The following DNMT3A variants were observed in gnomAD, a reference collection of about 807,000 sequenced individuals.
DNMT3A encodes DNA methyltransferase 3 alpha.
In DNMT3A, 267 loss-of-function variants were observed where a neutral mutation model predicts 117.6. The observed-to-expected ratio is 2.27, with a 90% CI of 2.05 to 2.51. The LOEUF is 2.51. DNMT3A is among the 30% of genes most tolerant of loss of function. The pLI is 0.00. For synonymous variants in DNMT3A, 432 were observed against 474.8 expected (o/e 0.91, Z 1.17); for missense variants, 1,029 against 1,260.2 (o/e 0.82, Z 2.78).
In DNMT3A at chr2:25,236,055, T is replaced by C. The variant is rs944876357; in HGVS notation, c.2479-230A>G. 1.3e-5 allele frequency among the ~76,000 whole-genome samples: 2 copies of C among 150,922 alleles called. No homozygotes were observed. The highest frequency in any genetic ancestry group is 4.9e-5 in the African/African-American group (2 of 41,120). ...GGTCACCTGGCCAATCTTAGATCCA[T>C]CTAGCCACAGACTTTTTTTTTTTTT... On this transcript the variant is annotated intron_variant, in intron 21 of 22. Transcript: ENST00000321117. This position sits in a 1 kb window ranked among gnomAD's most constrained non-coding sequence, Gnocchi z 4.5.
rs534567214 is a variant in DNMT3A at position 25,310,121 on chromosome 2, T to C, written c.72+3792A>G. 1.2e-3 allele frequency among the ~76,000 whole-genome samples: 181 copies of C among 152,256 alleles called. 1 individual carries two copies. The highest frequency in any genetic ancestry group is 4.2e-3 in the African/African-American group (173 of 41,534). On this transcript the variant is annotated intron_variant, in intron 2 of 22. Transcript: ENST00000321117. ...CACCCGGCAGTCGGCGTTCAATGCA[T>C]CTTAGCCATTGTGTTTCTGAGGCCA...
intron 16 of DNMT3A, chr2:25,242,051 C>T (rs570277188): frequency 1.4e-5 from 4 of 290,538 alleles, no homozygotes; most frequent in South Asian, 8.6e-5. Context: ...CCTTCCATAC[C>T]CTCTTATCAC....
intron 2 of DNMT3A, among the ~76,000 whole-genome samples, chr2:25,313,307 G>C (rs1210276881): frequency 2.0e-5 from 3 of 149,172 alleles, no homozygotes; most frequent in Admixed American, 6.7e-5. Context: ...CCAGCTCCGT[G>C]GCCAAAAGCC....
intron 5 of DNMT3A, among the ~76,000 whole-genome samples, 173 bp from the exon 6 acceptor site, chr2:25,275,260 G>T (rs2031301938): frequency 6.6e-6 from 1 of 152,214 alleles, no homozygotes. Context: ...TGTGGCGGGG[G>T]TGGGGGGGCA....
In DNMT3A at chr2:25,281,553, T is replaced by A. The variant is rs934670948; in HGVS notation, c.448+888A>T. The A allele has an allele frequency of 3.4e-5, 36 of 1,062,356 alleles. No individual in the cohort carries two copies. The highest frequency in any genetic ancestry group is 5.4e-5 in the Admixed American group (1 of 18,620). The allele number at this position is 1,062,356 out of a possible 1,614,324, so 65.8% of individuals were successfully genotyped here. ...ACGCCAATTAATCAATTTACTCATT[T>A]CATCATACACGCTTGGAAGGAAGAC... On this transcript the variant is annotated intron_variant, in intron 4 of 22. Coordinates refer to ENST00000321117, the MANE Select transcript of DNMT3A (RefSeq NM_022552.5). This position sits in a 1 kb window ranked among gnomAD's most constrained non-coding sequence, Gnocchi z 4.8.
chr2:25,313,453 C>T (rs1032971851), intron 2 of DNMT3A, among the ~76,000 whole-genome samples: 4 of 152,208 alleles, frequency 2.6e-5, no homozygotes, highest in Non-Finnish European at 4.4e-5. Context: ...GGTGGGCCCC[C>T]GCGGCCTCGT....
rs1204840673 is a variant in DNMT3A, at chr2:25,228,851, GCTCATGTT to G, written c.*5420_*5427del. 6.6e-6 allele frequency: 1 copy of G among 152,220 alleles called. No homozygotes were observed. Among genetic ancestry groups the G allele is most frequent in the African/African-American group, 2.4e-5 (1 of 41,446 alleles). 9.4% of individuals were successfully genotyped at this position (152,220 alleles called of 1,614,324 possible). ...GGACTAGGGGATGCTTTAGACCGCTGCTCATGTTCTCAGGCACAGGGTTGGAGGCCGCT... is the reference window on the plus strand; with the variant it reads ...GGACTAGGGGATGCTTTAGACCGCTGCTCAGGCACAGGGTTGGAGGCCGCT... On this transcript the variant is annotated 3_prime_UTR_variant, in exon 23 of 23. Transcript: ENST00000321117.
rs748216261 is a variant in DNMT3A, at chr2:25,228,409, C to T, written c.*5870G>A. The stretch of plus-strand genomic sequence containing the variant: ...ATGTGGAGTAAAAGTGCTCTGCCAC[C>T]GGGGTCAAAGCGAAATCGTCTGTAA... On this transcript the variant is annotated 3_prime_UTR_variant, in exon 23 of 23. Coordinates refer to ENST00000321117, the MANE Select transcript of DNMT3A (RefSeq NM_022552.5). 4 of 151,538 alleles carry T rather than the reference C, an allele frequency of 2.6e-5. No individual in the cohort carries two copies. Among genetic ancestry groups the T allele is most frequent in the South Asian group, 2.1e-4 (1 of 4,804 alleles). The allele number at this position is 151,538 out of a possible 1,614,324, so 9.4% of individuals were successfully genotyped here.
intron 1 of DNMT3A, among the ~76,000 whole-genome samples, chr2:25,315,474 C>T (rs777686504): frequency 6.6e-6 from 1 of 152,192 alleles, no homozygotes; most frequent in Non-Finnish European, 1.5e-5. Flanking sequence ...TGCACTGCGT[C>T]CATTCCCCAT....
chr2:25,288,980 G>T (rs1220724994), intron 3 of DNMT3A, among the ~76,000 whole-genome samples: 3 of 152,196 alleles, frequency 2.0e-5, no homozygotes, highest in Non-Finnish European at 4.4e-5. Flanking sequence ...TCCTGTCCCA[G>T]CCAATGCATG....
At chr2:25,275,314 G>A (rs1294260394) in intron 5 of DNMT3A, among the ~76,000 whole-genome samples, 186 bp downstream of exon 5, 1 of 152,226 alleles carries the variant, frequency 6.6e-6, no homozygotes, top group Non-Finnish European at 1.5e-5. Flanking sequence ...TCTGGCCTCT[G>A]GAGGGGGATG....
At chr2:25,295,833 G>C (rs1206053251) in intron 3 of DNMT3A, among the ~76,000 whole-genome samples, 2 of 152,248 alleles carry the variant, frequency 1.3e-5, no homozygotes, top group South Asian at 2.1e-4. Context: ...TTTGTAGGCA[G>C]TAACATGCTG....
chr2:25,313,443 G>T (rs2034226993), intron 2 of DNMT3A, among the ~76,000 whole-genome samples: 1 of 152,328 alleles, frequency 6.6e-6, no homozygotes, highest in East Asian at 1.9e-4. Context: ...TGTGTGGGAG[G>T]GTGGGCCCCC....
At chr2:25,272,942 TA>T (rs924701788) in intron 6 of DNMT3A, among the ~76,000 whole-genome samples, 26 of 146,750 alleles carry the variant, frequency 1.8e-4, no homozygotes, top group African/African-American at 6.1e-4. Context: ...GCTGGGACTA[TA>T]GGCACGCACC....
chr2:25,318,300 T>C (rs896922959), intron 1 of DNMT3A, among the ~76,000 whole-genome samples: 1 of 152,158 alleles, frequency 6.6e-6, no homozygotes, highest in Admixed American at 6.5e-5. Flanking sequence ...TTGTTTTTGT[T>C]TTCTGAGACG....
At chr2:25,285,230 T>G (rs748869117) in intron 3 of DNMT3A, among the ~76,000 whole-genome samples, 1 of 152,120 alleles carries the variant, frequency 6.6e-6, no homozygotes, top group African/African-American at 2.4e-5. Context: ...CCCCAGCCCC[T>G]CCCCTGCAAA....
At chr2:25,291,834 T>C (rs1283021973) in intron 3 of DNMT3A, among the ~76,000 whole-genome samples, 3 of 152,230 alleles carry the variant, frequency 2.0e-5, no homozygotes, top group African/African-American at 7.2e-5. Context: ...CCATGCGTGG[T>C]GAGTGGCCGG....
intron 6 of DNMT3A, among the ~76,000 whole-genome samples, chr2:25,260,758 C>T (rs1296499753): frequency 6.6e-6 from 1 of 152,096 alleles, no homozygotes; most frequent in African/African-American, 2.4e-5. Flanking sequence ...ACACACTCAC[C>T]ATGCAGTTGG....
rs2149273693 is a variant in DNMT3A, at chr2:25,240,658, C to T, written c.2155G>A (p.Ala719Thr). ...PCNDLSIVNP[A>T]RKGLYEGTGR... is the part of the protein sequence containing the mutation. ...TACCTACCGTAGAGGCCCTTGCGAG[C>T]AGGGTTGACGATGGAGAGGTCATTG... is the stretch of plus-strand genomic sequence containing the variant. The change falls in exon 18 of 23, where the codon GCT (alanine) becomes ACT (threonine). Residue 719 changes from alanine (A) to threonine (T), a missense_variant. Transcript: ENST00000321117. 1.2e-6 allele frequency: 2 copies of T among 1,614,214 alleles called. No individual in the cohort carries two copies. Among genetic ancestry groups the T allele is most frequent in the Non-Finnish European group, 1.7e-6 (2 of 1,180,034 alleles).
Sources: gnomAD v4.1 joint callset for allele counts (sites outside exome capture counted in the v4.1 genomes callset) on GRCh38, gnomAD v4.1.1 for gene constraint, Gnocchi (gnomAD v3.1) non-coding constraint, MANE v1.5 for transcripts, NCBI Gene and HGNC (gene_info 2026-07-23, HGNC 2026-07-21) for gene names.